The following OXR1 variants were observed in gnomAD, a reference collection of about 807,000 sequenced individuals.
OXR1 encodes the protein oxidation resistance protein 1.
In OXR1, 41 loss-of-function variants were observed where a neutral mutation model predicts 104.6. The ratio of observed to expected loss-of-function variants is 0.39; its 90% CI spans 0.31 to 0.51. OXR1 has a LOEUF of 0.51. Among genes scored for constraint, OXR1 ranks in the 20% least tolerant of loss-of-function variants. The probability of loss-of-function intolerance (pLI) is 0.77; values close to 1 mark genes in which losing one functional copy is unlikely to be tolerated. For synonymous variants in OXR1, 348 were observed against 348.4 expected, an observed-to-expected ratio of 1.00 and a Z score of 0.01; for missense variants, 955 against 1,031.9, an observed-to-expected ratio of 0.93 and a Z score of 1.02.
At chr8:106,330,354 T>A (rs1814661054) in intron 1 of OXR1, among the ~76,000 whole-genome samples, 1 of 152,192 alleles carries the variant, frequency 6.6e-6, no homozygotes, top group Admixed American at 6.5e-5. Context: ...TGCCCTAGTG[T>A]CAGGGATATT....
chr8:106,316,717 C>CTATCTATCTATCATCT (rs147531007), intron 1 of OXR1, among the ~76,000 whole-genome samples: 127 of 118,666 alleles, frequency 1.1e-3, no homozygotes, highest in Non-Finnish European at 1.6e-3. Flanking sequence ...ATCTATCTAT[C>CTATCTATCTATCATCT]ATCTATCTAT....
chr8:106,427,066 C>T (rs903341956), intron 2 of OXR1, among the ~76,000 whole-genome samples: 1 of 152,114 alleles, frequency 6.6e-6, no homozygotes, highest in East Asian at 1.9e-4. Context: ...TTCACTGAAG[C>T]CCAATCAAAG....
chr8:106,378,174 A>G (rs1019930740), intron 2 of OXR1, among the ~76,000 whole-genome samples: 6 of 152,184 alleles, frequency 3.9e-5, no homozygotes, highest in African/African-American at 9.6e-5. Flanking sequence ...TACCCACTCA[A>G]ATATCTCAAG....
At chr8:106,705,975 T>C (rs975029445) in intron 8 of OXR1, among the ~76,000 whole-genome samples, 2 of 152,170 alleles carry the variant, frequency 1.3e-5, no homozygotes, top group Non-Finnish European at 2.9e-5. Flanking sequence ...TTATTTTTAC[T>C]TTATTGGGAG....
At chr8:106,279,610 A>T (rs1812196332) in intron 1 of OXR1, among the ~76,000 whole-genome samples, 1 of 152,234 alleles carries the variant, frequency 6.6e-6, no homozygotes, top group Non-Finnish European at 1.5e-5. Flanking sequence ...TAATAGATAC[A>T]TTATAGATAA....
At position 106,647,150 on chromosome 8, in the gene OXR1, T is replaced by C. The variant is rs770792000; in HGVS notation, c.221-32060T>C. On this transcript the variant is annotated intron_variant, in intron 3 of 16. Transcript: ENST00000517566. Reference sequence around the variant, plus strand: ...GAGTCCTTGTTTGGCTTGACTGCCATGCAGTGTTTTTCTGATGAGTGAAGG... The same window carrying C: ...GAGTCCTTGTTTGGCTTGACTGCCACGCAGTGTTTTTCTGATGAGTGAAGG... Among the ~76,000 whole-genome samples, 8 of 152,354 alleles carry C rather than the reference T, an allele frequency of 5.3e-5. No individual in the cohort carries two copies. In the East Asian group the frequency reaches 1.5e-3, roughly 29 times the overall value.
intron 3 of OXR1, among the ~76,000 whole-genome samples, chr8:106,583,655 A>G (rs1818415067): frequency 6.6e-6 from 1 of 152,198 alleles, no homozygotes; most frequent in African/African-American, 2.4e-5. Flanking sequence ...CAGACCCAAG[A>G]AAGCTAATGC....
intron 2 of OXR1, among the ~76,000 whole-genome samples, chr8:106,445,869 G>T (rs1164440070): frequency 6.6e-6 from 1 of 152,196 alleles, no homozygotes; most frequent in East Asian, 1.9e-4. Context: ...TGAAATGTTT[G>T]TGGAGCCAGG....
intron 2 of OXR1, among the ~76,000 whole-genome samples, chr8:106,409,136 G>A (rs1278426387): frequency 6.6e-6 from 1 of 152,000 alleles, no homozygotes; most frequent in Non-Finnish European, 1.5e-5. Context: ...TTTACCTATA[G>A]TTTCTCCCAC....
At chr8:106,274,728 A>T (rs866563647) in intron 1 of OXR1, among the ~76,000 whole-genome samples, 1 of 151,926 alleles carries the variant, frequency 6.6e-6, no homozygotes, top group Non-Finnish European at 1.5e-5. Flanking sequence ...GTTTTTCACA[A>T]AGGCAACCTC....
rs1816607633 is a variant in OXR1, at chr8:106,560,642, G to C, written c.220+41503G>C. Among the ~76,000 whole-genome samples, 5 of 152,270 alleles carry C rather than the reference G, an allele frequency of 3.3e-5. 1 individual carries two copies. The South Asian group carries it at 1.0e-3, about 32-fold the overall frequency. On this transcript the variant is annotated intron_variant, in intron 3 of 16. Coordinates refer to ENST00000517566, the MANE Select transcript of OXR1 (RefSeq NM_001198533.2). ...CACTCTCCAGGGGCCACAACAAGTA[G>C]ATCCCACTCTCTGATGAAACCACTC...
intron 7 of OXR1, among the ~76,000 whole-genome samples, chr8:106,696,986 C>T (rs1271768179): frequency 6.6e-6 from 1 of 152,132 alleles, no homozygotes; most frequent in African/African-American, 2.4e-5. Context: ...TTCCTGCAGC[C>T]ACAGCTGTGG....
intron 3 of OXR1, among the ~76,000 whole-genome samples, chr8:106,668,834 T>C (rs1826624269): frequency 6.6e-6 from 1 of 152,194 alleles, no homozygotes; most frequent in African/African-American, 2.4e-5. Context: ...ACTTACGCAG[T>C]CTGCAGGTCT....
intron 3 of OXR1, among the ~76,000 whole-genome samples, chr8:106,653,083 A>AAAAAAT (rs1554611974): frequency 3.6e-5 from 5 of 137,154 alleles, no homozygotes; most frequent in African/African-American, 1.4e-4. Flanking sequence ...AAAAAAAAAA[A>AAAAAAT]ATATATATAT....
At chr8:106,422,896 G>A (rs921738044) in intron 2 of OXR1, among the ~76,000 whole-genome samples, 1 of 152,254 alleles carries the variant, frequency 6.6e-6, no homozygotes, top group East Asian at 1.9e-4. Flanking sequence ...ACTTTTAAGA[G>A]GTAAATGGTC....
chr8:106,346,997 C>A (rs207469633), intron 1 of OXR1, among the ~76,000 whole-genome samples: 2 of 152,296 alleles, frequency 1.3e-5, no homozygotes, highest in East Asian at 1.9e-4. Flanking sequence ...GAGCCGAGAT[C>A]GCGCCATTGC....
intron 2 of OXR1, among the ~76,000 whole-genome samples, chr8:106,434,783 C>G (rs775386142): frequency 5.8e-4 from 89 of 152,150 alleles, no homozygotes; most frequent in Non-Finnish European, 1.1e-3. Flanking sequence ...TCCATTAATT[C>G]AGCAATTCTG....
intron 2 of OXR1, among the ~76,000 whole-genome samples, chr8:106,440,199 T>C (rs1819728929): frequency 6.6e-6 from 1 of 152,058 alleles, no homozygotes; most frequent in South Asian, 2.1e-4. Context: ...GTCTTATAAT[T>C]TATTGATTTA....
intron 2 of OXR1, among the ~76,000 whole-genome samples, chr8:106,514,171 A>G (rs2130065550): frequency 6.6e-6 from 1 of 152,216 alleles, no homozygotes; most frequent in Admixed American, 6.5e-5. Context: ...TTAATGTTTC[A>G]TTTATTATCA....
Sources: allele counts gnomAD v4.1 joint callset (sites outside exome capture counted in the v4.1 genomes callset), GRCh38; gene constraint gnomAD v4.1.1; transcripts MANE v1.5; gene names NCBI Gene and HGNC (gene_info 2026-07-23, HGNC 2026-07-21).